TMEM116: variants seen among roughly 807,000 people sequenced by gnomAD.
TMEM116 encodes the protein transmembrane protein 116.
In TMEM116, 38 loss-of-function variants were observed where a neutral mutation model predicts 44.3. The observed-to-expected ratio is 0.86, with a 90% confidence interval of 0.66 to 1.12. TMEM116 has a LOEUF of 1.12. Among genes scored for constraint, TMEM116 ranks in the 50% most tolerant of loss-of-function variants. The probability of loss-of-function intolerance (pLI) is 0.00; values close to 1 mark genes in which losing one functional copy is unlikely to be tolerated. For missense variants in TMEM116, 354 were observed against 401.7 expected, an observed-to-expected ratio of 0.88 and a Z score of 1.01; for synonymous variants, 132 against 144.8, an observed-to-expected ratio of 0.91 and a Z score of 0.64.
chr12:112,003,665 A>T (rs1284533079), intron 3 of TMEM116, 135 bp downstream of exon 3: 4 of 1,277,622 alleles, frequency 3.1e-6, no homozygotes, highest in Non-Finnish European at 4.1e-6. Context: ...TGCCAAAAAT[A>T]TCTCATTGTA....
intron 4 of TMEM116, among the ~76,000 whole-genome samples, chr12:111,969,358 G>A (rs572213373): frequency 3.3e-5 from 5 of 150,778 alleles, no homozygotes; most frequent in Admixed American, 2.6e-4. Context: ...AACTGCTAGA[G>A]GCAAAAACTA....
intron 3 of TMEM116, among the ~76,000 whole-genome samples, chr12:111,996,039 CAA>C (rs60431093): frequency 0.083 from 4,469 of 53,572 alleles, 459 homozygotes; most frequent in East Asian, 0.57. Context: ...GACCCTGTCT[CAA>C]AAAAAAAAAA....
intron 2 of TMEM116, among the ~76,000 whole-genome samples, chr12:112,004,310 G>T (rs2077454297): frequency 1.3e-5 from 2 of 151,120 alleles, no homozygotes; most frequent in Non-Finnish European, 1.5e-5. Context: ...TTAGAGGCAG[G>T]GTCTCCTTCT....
intron 5 of TMEM116, among the ~76,000 whole-genome samples, chr12:111,940,131 G>A (rs2072591214): frequency 6.6e-6 from 1 of 151,706 alleles, no homozygotes; most frequent in African/African-American, 2.4e-5. Context: ...AAATTAGCCG[G>A]GTGTGGTGGC....
chr12:112,007,430 T>A (rs2077643587), intron 1 of TMEM116, among the ~76,000 whole-genome samples: 1 of 151,890 alleles, frequency 6.6e-6, no homozygotes, highest in African/African-American at 2.4e-5. Flanking sequence ...AATAAATAAA[T>A]AAAAATAAAA....
At chr12:111,943,439 T>C (rs2073024706) in intron 4 of TMEM116, 70 bp from the exon 5 acceptor site, 4 of 1,101,962 alleles carry the variant, frequency 3.6e-6, no homozygotes, top group Non-Finnish European at 2.7e-6. Flanking sequence ...TCAACATACT[T>C]CATTATTTTC....
intron 4 of TMEM116, among the ~76,000 whole-genome samples, chr12:111,984,101 A>G (rs1300066085): frequency 6.6e-6 from 1 of 152,194 alleles, no homozygotes; most frequent in Non-Finnish European, 1.5e-5. Context: ...TAATGCAGAA[A>G]AGCATTTGAC....
chr12:112,005,449 G>A (rs2077524125), intron 1 of TMEM116, 146 bp from the exon 2 acceptor site: 1 of 562,606 alleles, frequency 1.8e-6, no homozygotes, highest in Non-Finnish European at 2.6e-6. Context: ...TGAGTTAAAA[G>A]GCTGAACAGG....
chr12:111,988,106 G>T (rs745763796), intron 4 of TMEM116, among the ~76,000 whole-genome samples: 1 of 152,128 alleles, frequency 6.6e-6, no homozygotes, highest in Non-Finnish European at 1.5e-5. Context: ...CCACTGATAC[G>T]AGGTACCTAG....
chr12:112,005,127 G>T, intron 2 of TMEM116, 130 bp downstream of exon 2: 1 of 563,004 alleles, frequency 1.8e-6, no homozygotes, highest in South Asian at 3.0e-5. Context: ...AAAATATCAA[G>T]ATGATAAAGA....
chr12:111,997,119 G>A (rs537630337), intron 3 of TMEM116, among the ~76,000 whole-genome samples: 1 of 152,280 alleles, frequency 6.6e-6, no homozygotes, highest in South Asian at 2.1e-4. Flanking sequence ...ACCTCAATAG[G>A]TATATGTCTG....
chr12:111,933,053 C>T (rs2071789119), intron 9 of TMEM116, among the ~76,000 whole-genome samples: 2 of 152,076 alleles, frequency 1.3e-5, no homozygotes, highest in South Asian at 4.2e-4. Flanking sequence ...CCAGCCTGGC[C>T]AACATGGCGA....
At position 111,957,357 on chromosome 12, in the gene TMEM116, G is replaced by A. The variant is rs563769766; in HGVS notation, c.211-13988C>T. Reference sequence around the variant, plus strand: ...AGGTGAGGAGCATCTCTGACTGGCCGCCCTGTCTGAGAAGTGAGGAGCCCC... The same window carrying A: ...AGGTGAGGAGCATCTCTGACTGGCCACCCTGTCTGAGAAGTGAGGAGCCCC... On this transcript the variant is annotated intron_variant, in intron 4 of 10. Coordinates refer to ENST00000552374, the MANE Select transcript of TMEM116 (RefSeq NM_001193531.2). 2.7e-4 allele frequency among the ~76,000 whole-genome samples: 40 copies of A among 148,578 alleles called. No homozygotes were observed. In the South Asian group the frequency reaches 2.8e-3, roughly 10 times the overall value.
chr12:111,991,683 T>C, intron 4 of TMEM116, 75 bp downstream of exon 4: 1 of 1,428,210 alleles, frequency 7.0e-7, no homozygotes, highest in Non-Finnish European at 9.3e-7. Flanking sequence ...CTTCCCAAGG[T>C]GAATCATCTT....
At chr12:111,957,200 C>T (rs948939477) in intron 4 of TMEM116, among the ~76,000 whole-genome samples, 1 of 151,898 alleles carries the variant, frequency 6.6e-6, no homozygotes, top group African/African-American at 2.4e-5. Flanking sequence ...TCTGCCTGGC[C>T]GCCCATCATC....
At chr12:112,008,893 T>C (rs952592471) in intron 1 of TMEM116, among the ~76,000 whole-genome samples, 2 of 150,994 alleles carry the variant, frequency 1.3e-5, no homozygotes, top group African/African-American at 4.9e-5. Flanking sequence ...GAGAATTGCT[T>C]GAACCCAGGA....
chr12:111,947,350 C>T (rs1251396831), intron 4 of TMEM116, among the ~76,000 whole-genome samples: 1 of 152,058 alleles, frequency 6.6e-6, no homozygotes, highest in Non-Finnish European at 1.5e-5. Flanking sequence ...TTCAAACTAA[C>T]TTTGGGTTAT....
chr12:111,958,307 A>AAAAAG (rs2074314876), intron 4 of TMEM116, among the ~76,000 whole-genome samples: 1 of 132,754 alleles, frequency 7.5e-6, no homozygotes, highest in Non-Finnish European at 1.6e-5. Context: ...AAAAAAAAAA[A>AAAAAG]ATAGGAGGCC....
intron 4 of TMEM116, among the ~76,000 whole-genome samples, chr12:111,984,699 T>A (rs891104787): frequency 8.5e-5 from 13 of 152,128 alleles, no homozygotes; most frequent in African/African-American, 2.9e-4. Context: ...ACTGTATTGC[T>A]TATAGCACAA....
Sources: gnomAD v4.1 joint callset for allele counts (sites outside exome capture counted in the v4.1 genomes callset) on GRCh38, gnomAD v4.1.1 for gene constraint, MANE v1.5 for transcripts, NCBI Gene and HGNC (gene_info 2026-07-23, HGNC 2026-07-21) for gene names.